PTPRQ: variants seen among roughly 807,000 people sequenced by gnomAD.
PTPRQ encodes phosphatidylinositol phosphatase PTPRQ.
PTPRQ carries 199 observed loss-of-function variants against 246.0 expected under a neutral mutation model. The observed-to-expected ratio is 0.81, with a 90% CI of 0.72 to 0.91. The LOEUF (loss-of-function observed/expected upper bound fraction) is 0.91. PTPRQ is among the 40% of genes least tolerant of loss of function. The probability of loss-of-function intolerance (pLI) is 0.00; values close to 1 mark genes in which losing one functional copy is unlikely to be tolerated. For synonymous variants in PTPRQ, 869 were observed against 853.2 expected (o/e 1.02, Z -0.32); for missense variants, 2,624 against 2,528.4 (o/e 1.04, Z -0.81).
intron 9 of PTPRQ, among the ~76,000 whole-genome samples, chr12:80,492,575 T>C (rs1278352349): frequency 6.6e-6 from 1 of 152,010 alleles, no homozygotes; most frequent in Non-Finnish European, 1.5e-5. Context: ...GTTAGCTCAA[T>C]GAAAACCTCT....
Position 80,649,628 on chromosome 12 carries a change from C to A in PTPRQ, c.5983C>A (p.Leu1995Ile). ...KKSFLQHVEE[L>I]CTNNNLKFQE... ...ATCCTTCCTGCAACATGTTGAAGAG[C>A]TTTGCACAAACAACAACCTAAAGTT... Residue 1995 changes from leucine (L) to isoleucine (I), a missense_variant, in exon 37 of 45, where the codon CTT becomes ATT. Coordinates refer to ENST00000644991, the MANE Select transcript of PTPRQ (RefSeq NM_001145026.2). 1 of 1,549,900 alleles carries A rather than the reference C, an allele frequency of 6.5e-7. No individual in the cohort carries two copies. Among genetic ancestry groups the A allele is most frequent in the Non-Finnish European group, 8.7e-7 (1 of 1,145,894 alleles).
At position 80,658,279 on chromosome 12, in the gene PTPRQ, C is replaced by T. The variant is rs112504205; in HGVS notation, c.6192+218C>T. Among the ~76,000 whole-genome samples the T allele has an allele frequency of 2.4e-3, 361 of 152,058 alleles. 2 individuals are homozygous for T. The highest frequency in any genetic ancestry group is 8.1e-3 in the African/African-American group (336 of 41,496). ...TATCAAAAATTATTTCACCAGTGCG[C>T]GGCAGATGTTCAACTTCAGGCTACA... On this transcript the variant is annotated intron_variant, in intron 39 of 44. Transcript: ENST00000644991.
At chr12:80,602,069 G>T (rs995585467) in intron 26 of PTPRQ, among the ~76,000 whole-genome samples, 1 of 151,570 alleles carries the variant, frequency 6.6e-6, no homozygotes, top group Admixed American at 6.6e-5. Flanking sequence ...ATGTTTTCTT[G>T]GCAATGTAAA....
intron 17 of PTPRQ, among the ~76,000 whole-genome samples, chr12:80,512,296 C>G (rs2120721236): frequency 6.6e-6 from 1 of 152,296 alleles, no homozygotes; most frequent in South Asian, 2.1e-4. Context: ...GATCATGCTT[C>G]CCTTCCTAGA....
chr12:80,610,567 T>A lies in PTPRQ; in HGVS notation c.4860T>A (p.Ser1620Arg). The change falls in exon 28 of 45, where the codon AGT (serine) becomes AGA (arginine). Residue 1620 changes from serine to arginine, a missense_variant. By Grantham distance (110) the Ser-to-Arg change is moderately radical (BLOSUM62 -1). Transcript: ENST00000644991. ...TCACTGCATTTACTGGGAACATTAG[T>A]GCTGCATATGTAGAAGGGAAGTCAA... ...VVITAFTGNISAAYVEGKSSA... is the reference protein window; with the variant it reads ...VVITAFTGNIRAAYVEGKSSA... 1 of 1,543,862 alleles carries A rather than the reference T, an allele frequency of 6.5e-7. No individual in the cohort carries two copies. Among genetic ancestry groups the A allele is most frequent in the Non-Finnish European group, 8.8e-7 (1 of 1,141,522 alleles).
At chr12:80,539,174 C>T (rs976838844) in intron 19 of PTPRQ, among the ~76,000 whole-genome samples, 4 of 151,958 alleles carry the variant, frequency 2.6e-5, no homozygotes, top group Admixed American at 1.3e-4. Context: ...AACTAGGAGT[C>T]AGTCAAGAGA....
intron 28 of PTPRQ, among the ~76,000 whole-genome samples, chr12:80,612,079 G>A (rs1379008290): frequency 6.7e-6 from 1 of 150,154 alleles, no homozygotes; most frequent in Non-Finnish European, 1.5e-5. Context: ...TAGTATGGAA[G>A]GATATAACTA....
At chr12:80,661,216 T>A (rs1163011) in intron 39 of PTPRQ, among the ~76,000 whole-genome samples, 4,569 of 102,426 alleles carry the variant, frequency 0.045, 216 homozygotes, top group African/African-American at 0.26. Flanking sequence ...AAGGAAAAAA[T>A]ATATATATAT....
At chr12:80,487,961 G>A (rs552916071) in intron 9 of PTPRQ, among the ~76,000 whole-genome samples, 1 of 152,038 alleles carries the variant, frequency 6.6e-6, no homozygotes, top group Non-Finnish European at 1.5e-5. Flanking sequence ...TTCTCATCTG[G>A]AGGCTTGACT....
intron 38 of PTPRQ, among the ~76,000 whole-genome samples, chr12:80,656,376 G>A (rs1900434184): frequency 6.6e-6 from 1 of 152,078 alleles, no homozygotes; most frequent in South Asian, 2.1e-4. Context: ...TGTAGCTGAG[G>A]TAACCAAGGA....
chr12:80,605,068 G>A lies in PTPRQ; in HGVS notation c.4619G>A (p.Gly1540Asp), dbSNP rs1174394920. The change falls in exon 27 of 45, where the codon GGT (glycine) becomes GAT (aspartate). Residue 1540 changes from glycine to aspartate, a missense_variant. Coordinates refer to ENST00000644991, the MANE Select transcript of PTPRQ (RefSeq NM_001145026.2). ...STKTLPGPPD[G>D]PPENVHVVAT... The stretch of plus-strand genomic sequence containing the variant: ...TTTTCTATTGTCATAGCTCCAGATG[G>A]TCCTCCTGAAAATGTTCATGTAGTA... 7.8e-6 allele frequency: 12 copies of A among 1,540,560 alleles called. No homozygotes were observed. The African/African-American group carries it at 9.7e-5, about 12-fold the overall frequency.
chr12:80,601,442 T>G (rs1898140428), intron 26 of PTPRQ, among the ~76,000 whole-genome samples: 1 of 151,832 alleles, frequency 6.6e-6, no homozygotes, highest in Non-Finnish European at 1.5e-5. Context: ...TTTTGTCCTC[T>G]TAGTGCCTAG....
chr12:80,599,599 C>T (rs1258658101), intron 26 of PTPRQ, among the ~76,000 whole-genome samples: 1 of 151,628 alleles, frequency 6.6e-6, no homozygotes, highest in Non-Finnish European at 1.5e-5. Flanking sequence ...TTACTATATG[C>T]TGTGATAAAA....
chr12:80,533,843 A>G (rs1304375704), intron 17 of PTPRQ, among the ~76,000 whole-genome samples, 172 bp from the exon 18 acceptor site: 6 of 152,048 alleles, frequency 3.9e-5, no homozygotes, highest in Non-Finnish European at 7.4e-5. Context: ...AATTTACTAA[A>G]GAATTCTGAA....
intron 19 of PTPRQ, among the ~76,000 whole-genome samples, chr12:80,538,042 G>A (rs1896040809): frequency 6.6e-6 from 1 of 152,176 alleles, no homozygotes; most frequent in Non-Finnish European, 1.5e-5. Flanking sequence ...CTGGGAGGTG[G>A]AGGTTGCAGT....
intron 39 of PTPRQ, among the ~76,000 whole-genome samples, chr12:80,661,807 T>C (rs1900643908): frequency 1.3e-5 from 2 of 151,888 alleles, no homozygotes; most frequent in Admixed American, 1.3e-4. Context: ...TGGAAACCTT[T>C]ACATTTATAG....
Position 80,588,403 on chromosome 12 carries a change from T to A in PTPRQ, c.4560T>A (p.Ala1520=), listed in dbSNP as rs974896708. Residue 1520 remains alanine, a synonymous_variant, in exon 26 of 45, where the codon GCT becomes GCA. Coordinates refer to ENST00000644991, the MANE Select transcript of PTPRQ (RefSeq NM_001145026.2). ...TCCAAGTGGCTGCCAGCACCAATGC[T>A]GGCTATGGCAATGCTTCAAACTGGA... is the stretch of plus-strand genomic sequence containing the variant. ...YRFQVAASTN[A]GYGNASNWIS... is the part of the protein sequence containing the mutation. The A allele has an allele frequency of 1.3e-6, 2 of 1,517,014 alleles. No homozygotes were observed. Among genetic ancestry groups the A allele is most frequent in the African/African-American group, 2.8e-5 (2 of 71,734 alleles). The allele number at this position is 1,517,014 out of a possible 1,614,324, so 94.0% of individuals were successfully genotyped here. A position where few individuals can be genotyped will look rare whatever the true frequency, so the allele number is the denominator to read the frequency against.
chr12:80,640,591 T>G (rs1899821603), intron 35 of PTPRQ, among the ~76,000 whole-genome samples: 1 of 152,218 alleles, frequency 6.6e-6, no homozygotes, highest in African/African-American at 2.4e-5. Flanking sequence ...TTCATTTTTC[T>G]TTAGACGCAA....
At chr12:80,600,896 C>T (rs1395500385) in intron 26 of PTPRQ, among the ~76,000 whole-genome samples, 2 of 151,742 alleles carry the variant, frequency 1.3e-5, no homozygotes, top group Non-Finnish European at 2.9e-5. Flanking sequence ...CTCTCGGATT[C>T]TCTCATTCCA....
Sources: gnomAD v4.1 joint callset for allele counts (sites outside exome capture counted in the v4.1 genomes callset) on GRCh38, gnomAD v4.1.1 for gene constraint, MANE v1.5 for transcripts, NCBI Gene and HGNC (gene_info 2026-07-23, HGNC 2026-07-21) for gene names.